Variants in CHD7 observed in about 807,000 individuals in gnomAD.
The protein encoded by CHD7 is chromodomain helicase DNA binding protein 7.
CHD7 carries 24 observed loss-of-function variants against 307.3 expected under a neutral mutation model. The ratio of observed to expected loss-of-function variants is 0.08; its 90% confidence interval spans 0.06 to 0.11. CHD7 has a LOEUF of 0.11. Among genes scored for constraint, CHD7 ranks in the 10% least tolerant of loss-of-function variants. The pLI, the probability that CHD7 is intolerant of heterozygous loss-of-function variation, is 1.00. For synonymous variants in CHD7, 1,363 were observed against 1,349.9 expected (o/e 1.01, Z -0.21); for missense variants, 3,106 against 3,727.1 (o/e 0.83, Z 4.34).
At chr8:60,720,677 T>C (rs1807854514) in intron 1 of CHD7, among the ~76,000 whole-genome samples, 1 of 152,230 alleles carries the variant, frequency 6.6e-6, no homozygotes, top group African/African-American at 2.4e-5. Context: ...CTAAGACGGC[T>C]GTCTCTGAAA....
At chr8:60,806,088 C>T (rs544351722) in intron 6 of CHD7, among the ~76,000 whole-genome samples, 73 of 152,046 alleles carry the variant, frequency 4.8e-4, no homozygotes, top group Non-Finnish European at 9.0e-4. Flanking sequence ...GGAGGCTGGG[C>T]GCAGTGGTTC....
chr8:60,747,515 A>C (rs1809392004), intron 2 of CHD7, among the ~76,000 whole-genome samples: 1 of 152,264 alleles, frequency 6.6e-6, no homozygotes, highest in African/African-American at 2.4e-5. Flanking sequence ...GCAAGACAAA[A>C]TTAGTGGCAT....
intron 2 of CHD7, among the ~76,000 whole-genome samples, chr8:60,747,320 C>T (rs935168070): frequency 1.3e-5 from 2 of 152,100 alleles, no homozygotes; most frequent in African/African-American, 4.8e-5. Context: ...TCAGATGATC[C>T]ACCCGCTGTG....
intron 2 of CHD7, among the ~76,000 whole-genome samples, chr8:60,773,237 G>T (rs1234622127): frequency 6.6e-6 from 1 of 152,210 alleles, no homozygotes; most frequent in Admixed American, 6.5e-5. Context: ...TGTTGCATTT[G>T]TGGTGGTTTT....
At chr8:60,862,453 G>C in intron 36 of CHD7, 95 bp from the exon 37 acceptor site, 1 of 1,453,248 alleles carries the variant, frequency 6.9e-7, no homozygotes, top group Non-Finnish European at 9.4e-7. Flanking sequence ...GCGTGTGTGC[G>C]TGTATGTGTG....
Position 60,862,056 on chromosome 8 carries a change from G to A in CHD7, c.7831-140G>A, listed in dbSNP as rs1586461895. The A allele has an allele frequency of 9.1e-6, 6 of 662,218 alleles. No individual in the cohort carries two copies. In the South Asian group the frequency reaches 1.6e-4, roughly 18 times the overall value. The allele number at this position is 662,218 out of a possible 1,614,324, so 41.0% of individuals were successfully genotyped here. ...TTTTTTCTTTCAAAGAGAAAAATAT[G>A]GTTTCTAATATTAATAATTAAAATG... On this transcript the variant is annotated intron_variant, in intron 35 of 37. Transcript: ENST00000423902.
At chr8:60,751,896 G>T (rs1162456802) in intron 2 of CHD7, among the ~76,000 whole-genome samples, 1 of 152,158 alleles carries the variant, frequency 6.6e-6, no homozygotes, top group African/African-American at 2.4e-5. Flanking sequence ...CATCTTGCTT[G>T]TTTTTTATCC....
At chr8:60,838,375 C>T (rs1804830272) in intron 19 of CHD7, 120 bp downstream of exon 19, 1 of 850,550 alleles carries the variant, frequency 1.2e-6, no homozygotes, top group East Asian at 2.7e-5. Flanking sequence ...ATCATTAACT[C>T]CCTGTGGAAC....
intron 19 of CHD7, among the ~76,000 whole-genome samples, chr8:60,838,843 C>T (rs568110016): frequency 6.6e-6 from 1 of 152,332 alleles, no homozygotes; most frequent in East Asian, 1.9e-4. Context: ...CACCTGAGAG[C>T]CCCTTCTGAG....
At chr8:60,794,852 T>C in intron 3 of CHD7, 134 bp from the exon 4 acceptor site, 1 of 760,934 alleles carries the variant, frequency 1.3e-6, no homozygotes, top group Non-Finnish European at 2.0e-6. Context: ...GGGAGTTGCA[T>C]TTAACTGTAA....
Position 60,746,899 on chromosome 8 carries a change from T to C in CHD7, c.1665+3802T>C, listed in dbSNP as rs1287784411. The stretch of plus-strand genomic sequence containing the variant: ...CAGGGAAGGGAAAAACCCTAGCTTA[T>C]ATTTCTTTTTCAATAGCTAATTAGA... On this transcript the variant is annotated intron_variant, in intron 2 of 37. Coordinates refer to ENST00000423902, the MANE Select transcript of CHD7 (RefSeq NM_017780.4). Among the ~76,000 whole-genome samples, 4 of 152,222 alleles carry C rather than the reference T, an allele frequency of 2.6e-5. No homozygotes were observed. In the East Asian group the frequency reaches 7.7e-4, roughly 29 times the overall value.
chr8:60,804,837 T>C (rs1812468102), intron 6 of CHD7, among the ~76,000 whole-genome samples: 1 of 152,244 alleles, frequency 6.6e-6, no homozygotes, highest in Non-Finnish European at 1.5e-5. Flanking sequence ...GTTTCTGGTT[T>C]GTTTGAACAG....
At chr8:60,802,691 G>C (rs1812367931) in intron 6 of CHD7, among the ~76,000 whole-genome samples, 1 of 152,132 alleles carries the variant, frequency 6.6e-6, no homozygotes, top group South Asian at 2.1e-4. Context: ...GTATCTCCCA[G>C]TAAGAGAGTT....
chr8:60,795,810 T>C (rs1228633286), intron 4 of CHD7, among the ~76,000 whole-genome samples: 1 of 152,202 alleles, frequency 6.6e-6, no homozygotes, highest in Non-Finnish European at 1.5e-5. Context: ...AGTTAAAAAT[T>C]ATTTCCTTGT....
In CHD7 at chr8:60,756,814, C is replaced by G. The variant is rs117491976; in HGVS notation, c.1665+13717C>G. ...TTTATTAATTAGGTCATGGGTAGGA[C>G]CTTGATAGAAAATAATTTGCCAAAT... is the stretch of plus-strand genomic sequence containing the variant. On this transcript the variant is annotated intron_variant, in intron 2 of 37. Coordinates refer to ENST00000423902, the MANE Select transcript of CHD7 (RefSeq NM_017780.4). 3.2e-3 allele frequency among the ~76,000 whole-genome samples: 494 copies of G among 152,162 alleles called. 2 individuals are homozygous for G. Among genetic ancestry groups the G allele is most frequent in the Non-Finnish European group, 5.4e-3 (368 of 68,012 alleles).
chr8:60,747,239 CT>C (rs113186284), intron 2 of CHD7, among the ~76,000 whole-genome samples: 33 of 147,416 alleles, frequency 2.2e-4, no homozygotes, highest in East Asian at 3.9e-4. Flanking sequence ...CCACGCCCAG[CT>C]TTTTTTTTTG....
chr8:60,867,492 TA>T lies in CHD7; in HGVS notation c.*1563del, dbSNP rs1168169201. ...CCTTTTTGACCTTTGGTATTTAAAGTAAAATATAATTTGAGATCTACTGTTT... is the reference window on the plus strand; with the variant it reads ...CCTTTTTGACCTTTGGTATTTAAAGTAAATATAATTTGAGATCTACTGTTT... On this transcript the variant is annotated 3_prime_UTR_variant, in exon 38 of 38. Transcript: ENST00000423902. 2.6e-5 allele frequency: 4 copies of T among 152,236 alleles called. No homozygotes were observed. The highest frequency in any genetic ancestry group is 9.6e-5 in the African/African-American group (4 of 41,460). 9.4% of individuals were successfully genotyped at this position (152,236 alleles called of 1,614,324 possible). A position where few individuals can be genotyped will look rare whatever the true frequency, so the allele number is the denominator to read the frequency against.
chr8:60,848,025 G>T lies in CHD7; in HGVS notation c.5211-490G>T, dbSNP rs1054214210. 2.0e-5 allele frequency among the ~76,000 whole-genome samples: 3 copies of T among 152,016 alleles called. No individual in the cohort carries two copies. The South Asian group carries it at 6.2e-4, about 32-fold the overall frequency. The stretch of plus-strand genomic sequence containing the variant: ...AAAAACCTGACATTCCATATTGAGG[G>T]TTTATTGTAAGGTAGTAAAACCAGA... On this transcript the variant is annotated intron_variant, in intron 23 of 37. Transcript: ENST00000423902.
At chr8:60,842,359 A>C (rs1176527338) in intron 21 of CHD7, among the ~76,000 whole-genome samples, 7 of 152,224 alleles carry the variant, frequency 4.6e-5, no homozygotes, top group Non-Finnish European at 1.0e-4. Flanking sequence ...AAAATTATGT[A>C]ATCTTTTCTC....
Sources: allele counts gnomAD v4.1 joint callset (sites outside exome capture counted in the v4.1 genomes callset), GRCh38; gene constraint gnomAD v4.1.1; transcripts MANE v1.5; gene names NCBI Gene and HGNC (gene_info 2026-07-23, HGNC 2026-07-21).